SNTG1: variants seen among roughly 807,000 people sequenced by gnomAD.
The protein encoded by SNTG1 is gamma-1-syntrophin.
Under a neutral mutation model 74.7 loss-of-function variants are expected in SNTG1, and 39 were observed. That is an observed-to-expected ratio of 0.52 (90% CI 0.40 to 0.68). SNTG1 has a LOEUF of 0.68. Among genes scored for constraint, SNTG1 ranks in the 30% least tolerant of loss-of-function variants. SNTG1 has a pLI of 0.00. For missense variants in SNTG1, 685 were observed against 609.5 expected, an observed-to-expected ratio of 1.12 and a Z score of -1.30; for synonymous variants, 254 against 217.1, an observed-to-expected ratio of 1.17 and a Z score of -1.49.
chr8:50,612,800 T>C lies in SNTG1; in HGVS notation c.849+21883T>C, dbSNP rs560061592. 2.6e-5 allele frequency among the ~76,000 whole-genome samples: 4 copies of C among 152,330 alleles called. No individual in the cohort carries two copies. The East Asian group carries it at 7.7e-4, about 29-fold the overall frequency. On this transcript the variant is annotated intron_variant, in intron 13 of 18. Transcript: ENST00000642720. ...CAATAGAGTCGTGGGCAGTTTCAGG[T>C]AGCCATTTAGAGTCTGGACTCTATA... is the stretch of plus-strand genomic sequence containing the variant.
chr8:50,414,236 A>G (rs1394310382), intron 4 of SNTG1, among the ~76,000 whole-genome samples: 1 of 152,188 alleles, frequency 6.6e-6, no homozygotes, highest in Non-Finnish European at 1.5e-5. Flanking sequence ...GCTATTAGCA[A>G]CCCAGATATT....
chr8:50,415,458 C>T (rs2093002296), intron 4 of SNTG1, among the ~76,000 whole-genome samples: 1 of 151,858 alleles, frequency 6.6e-6, no homozygotes, highest in Non-Finnish European at 1.5e-5. Context: ...TTACTTATAC[C>T]TATACATGTT....
rs1337899921 is a variant in SNTG1 at position 50,776,199 on chromosome 8, T to C, written c.1396-16472T>C. 2.0e-5 allele frequency among the ~76,000 whole-genome samples: 3 copies of C among 150,950 alleles called. No individual in the cohort carries two copies. In the East Asian group the frequency reaches 5.8e-4, roughly 29 times the overall value. ...TTTTTCTGCCTTCTTGTAACTTTTT[T>C]GAATATATGCTTTTAGAAATCAATT... On this transcript the variant is annotated intron_variant, in intron 18 of 18. Coordinates refer to ENST00000642720, the MANE Select transcript of SNTG1 (RefSeq NM_018967.5).
chr8:50,772,194 C>G (rs1057480598), intron 18 of SNTG1, among the ~76,000 whole-genome samples: 1 of 152,086 alleles, frequency 6.6e-6, no homozygotes, highest in Admixed American at 6.6e-5. Context: ...CTACAGGAAC[C>G]AAACTTCAAT....
chr8:50,392,043 G>T (rs968845572), intron 2 of SNTG1, among the ~76,000 whole-genome samples: 5 of 152,086 alleles, frequency 3.3e-5, no homozygotes, highest in Non-Finnish European at 5.9e-5. Context: ...GACGTGCCTT[G>T]GAAGCAATCC....
At chr8:50,426,445 A>G (rs1015614687) in intron 4 of SNTG1, among the ~76,000 whole-genome samples, 1 of 151,906 alleles carries the variant, frequency 6.6e-6, no homozygotes, top group African/African-American at 2.4e-5. Flanking sequence ...TAACAAAAAC[A>G]TTTTAAAAAT....
chr8:50,038,698 CA>C (rs1818367067), intron 1 of SNTG1, among the ~76,000 whole-genome samples: 1 of 152,118 alleles, frequency 6.6e-6, no homozygotes, highest in East Asian at 1.9e-4. Context: ...TAATTCTAGA[CA>C]CAAAAATCCT....
At chr8:50,104,045 A>G (rs575329052) in intron 1 of SNTG1, among the ~76,000 whole-genome samples, 87 of 152,124 alleles carry the variant, frequency 5.7e-4, no homozygotes, top group South Asian at 1.0e-3. Flanking sequence ...GTCTCTGCCC[A>G]GCTTTGGCAT....
intron 8 of SNTG1, among the ~76,000 whole-genome samples, chr8:50,464,629 C>A (rs1463018719): frequency 6.6e-6 from 1 of 151,868 alleles, no homozygotes; most frequent in African/African-American, 2.4e-5. Flanking sequence ...GATCACCGAT[C>A]ATCAAGAGGC....
intron 1 of SNTG1, among the ~76,000 whole-genome samples, chr8:49,928,186 TA>T (rs1563357548): frequency 8.0e-6 from 1 of 124,478 alleles, no homozygotes; most frequent in South Asian, 2.6e-4. Context: ...TAAATAAAAA[TA>T]AAAAAGATGG....
At chr8:50,464,577 G>T (rs192115180) in intron 8 of SNTG1, among the ~76,000 whole-genome samples, 24 of 152,184 alleles carry the variant, frequency 1.6e-4, no homozygotes, top group African/African-American at 5.8e-4. Context: ...ATACAGGTGT[G>T]ATTTGTGGCA....
At chr8:50,264,499 G>A (rs1212306530) in intron 2 of SNTG1, among the ~76,000 whole-genome samples, 1 of 151,598 alleles carries the variant, frequency 6.6e-6, no homozygotes, top group African/African-American at 2.4e-5. Context: ...GAATCCAGGA[G>A]GCAGAAGTTG....
intron 2 of SNTG1, among the ~76,000 whole-genome samples, chr8:50,371,573 C>T (rs1472481577): frequency 3.9e-5 from 6 of 152,114 alleles, no homozygotes; most frequent in Non-Finnish European, 8.8e-5. Flanking sequence ...TGTTCAGCCC[C>T]TTTGTTTTCT....
At chr8:50,180,130 AC>A (rs759023302) in intron 2 of SNTG1, among the ~76,000 whole-genome samples, 1 of 152,234 alleles carries the variant, frequency 6.6e-6, no homozygotes, top group Non-Finnish European at 1.5e-5. Flanking sequence ...ATTTGCAACA[AC>A]ATTGTTGAGC....
intron 8 of SNTG1, among the ~76,000 whole-genome samples, chr8:50,468,040 TG>T (rs962356431): frequency 5.3e-5 from 8 of 151,876 alleles, no homozygotes; most frequent in African/African-American, 1.9e-4. Context: ...AGTTAAAATT[TG>T]TTTTCTGGCA....
chr8:50,632,327 T>TTATC (rs1563671709), intron 13 of SNTG1, among the ~76,000 whole-genome samples: 1 of 151,468 alleles, frequency 6.6e-6, no homozygotes, highest in Non-Finnish European at 1.5e-5. Context: ...ATTTATTTAT[T>TTATC]TGAGAGAGGG....
At chr8:49,933,067 A>G (rs2129359738) in intron 1 of SNTG1, among the ~76,000 whole-genome samples, 1 of 152,298 alleles carries the variant, frequency 6.6e-6, no homozygotes, top group Non-Finnish European at 1.5e-5. Context: ...TATTATGACT[A>G]AAGCTGCTGT....
chr8:50,501,346 TA>T (rs2093950955), intron 8 of SNTG1, among the ~76,000 whole-genome samples: 2 of 151,776 alleles, frequency 1.3e-5, no homozygotes, highest in South Asian at 4.2e-4. Context: ...TCAGAGTTCT[TA>T]TTTGGTTGTC....
Position 50,288,503 on chromosome 8 carries a change from C to T in SNTG1, c.-27-105709C>T, listed in dbSNP as rs1414379266. The stretch of plus-strand genomic sequence containing the variant: ...ATACTGCCTGTGAGAGCAGAAATAG[C>T]CTTTGCTTGTCATTTTTTAAATTTA... On this transcript the variant is annotated intron_variant, in intron 2 of 18. Coordinates refer to ENST00000642720, the MANE Select transcript of SNTG1 (RefSeq NM_018967.5). 2.6e-5 allele frequency among the ~76,000 whole-genome samples: 4 copies of T among 152,110 alleles called. No homozygotes were observed. In the East Asian group the frequency reaches 7.7e-4, roughly 29 times the overall value.
Sources: gnomAD v4.1 joint callset for allele counts (sites outside exome capture counted in the v4.1 genomes callset) on GRCh38, gnomAD v4.1.1 for gene constraint, MANE v1.5 for transcripts, NCBI Gene and HGNC (gene_info 2026-07-23, HGNC 2026-07-21) for gene names.